The following EPHA6 variants were observed in gnomAD, a reference collection of about 807,000 sequenced individuals.
The protein encoded by EPHA6 is ephrin type-A receptor 6.
EPHA6 carries 50 observed loss-of-function variants against 112.0 expected under a neutral mutation model. That is an observed-to-expected ratio of 0.45 (90% CI 0.36 to 0.56). The LOEUF (loss-of-function observed/expected upper bound fraction) is 0.56, where lower values mean the gene tolerates loss of function less well. Ranked by LOEUF, EPHA6 falls within the 20% of genes least tolerant of loss-of-function variation. The pLI is 0.00. For synonymous variants in EPHA6, 529 were observed against 490.7 expected (o/e 1.08, Z -1.03); for missense variants, 1,280 against 1,417.4 (o/e 0.90, Z 1.56).
chr3:97,376,454 C>T (rs562453399), intron 5 of EPHA6, among the ~76,000 whole-genome samples: 2 of 152,100 alleles, frequency 1.3e-5, no homozygotes, highest in Non-Finnish European at 2.9e-5. Context: ...ACAAAAAAAA[C>T]AACATGCACA....
At chr3:97,304,864 G>T (rs1040474974) in intron 5 of EPHA6, among the ~76,000 whole-genome samples, 1 of 151,970 alleles carries the variant, frequency 6.6e-6, no homozygotes, top group African/African-American at 2.4e-5. Context: ...AAAAGCAATT[G>T]CAACAAAAGC....
chr3:97,733,689 T>C (rs1039400504), intron 15 of EPHA6, among the ~76,000 whole-genome samples: 2 of 152,070 alleles, frequency 1.3e-5, no homozygotes, highest in African/African-American at 2.4e-5. Context: ...GATGCAATCA[T>C]ACATACATGC....
At chr3:97,230,529 G>C (rs1215679887) in intron 4 of EPHA6, among the ~76,000 whole-genome samples, 1 of 152,080 alleles carries the variant, frequency 6.6e-6, no homozygotes, top group African/African-American at 2.4e-5. Flanking sequence ...TTCTGTCATG[G>C]CTGGGCAGAA....
intron 4 of EPHA6, among the ~76,000 whole-genome samples, chr3:97,235,838 G>A (rs1204551940): frequency 6.6e-6 from 1 of 151,914 alleles, no homozygotes; most frequent in Non-Finnish European, 1.5e-5. Flanking sequence ...AGTTATTCCA[G>A]TTATACCAGT....
intron 2 of EPHA6, among the ~76,000 whole-genome samples, chr3:96,888,175 A>AC (rs1294706393): frequency 6.6e-6 from 1 of 151,586 alleles, no homozygotes; most frequent in Non-Finnish European, 1.5e-5. Flanking sequence ...GTGGAATTTT[A>AC]CCCCCTGCTC....
intron 6 of EPHA6, among the ~76,000 whole-genome samples, chr3:97,406,404 G>A (rs1192761555): frequency 6.6e-6 from 1 of 152,106 alleles, no homozygotes; most frequent in Middle Eastern, 3.2e-3. Flanking sequence ...GCAAAAGGAA[G>A]TCAAACTCAT....
chr3:97,588,900 T>C (rs1203302175), intron 11 of EPHA6, among the ~76,000 whole-genome samples: 1 of 152,230 alleles, frequency 6.6e-6, no homozygotes, highest in Non-Finnish European at 1.5e-5. Flanking sequence ...ACTTTTATTT[T>C]AGATTAAGGA....
intron 2 of EPHA6, among the ~76,000 whole-genome samples, chr3:96,888,465 G>C (rs2037763848): frequency 6.6e-6 from 1 of 152,114 alleles, no homozygotes; most frequent in Non-Finnish European, 1.5e-5. Flanking sequence ...AGGGTCTGTG[G>C]GTCCTCTCGG....
chr3:97,090,980 T>C (rs1383931888), intron 3 of EPHA6, among the ~76,000 whole-genome samples: 1 of 152,108 alleles, frequency 6.6e-6, no homozygotes. Context: ...ATAATTACAG[T>C]AATAATATTG....
chr3:97,094,318 C>T (rs1221306753), intron 3 of EPHA6, among the ~76,000 whole-genome samples: 1 of 152,066 alleles, frequency 6.6e-6, no homozygotes, highest in East Asian at 1.9e-4. Context: ...ATAAATATTT[C>T]CAAACCATTA....
intron 3 of EPHA6, among the ~76,000 whole-genome samples, chr3:97,154,802 ACTGT>A (rs1433579942): frequency 8.5e-5 from 13 of 152,256 alleles, no homozygotes; most frequent in African/African-American, 2.9e-4. Context: ...TGCCCTCTAG[ACTGT>A]CTGTTCAAGA....
intron 5 of EPHA6, among the ~76,000 whole-genome samples, chr3:97,378,244 T>G (rs554254849): frequency 1.1e-4 from 16 of 152,316 alleles, no homozygotes; most frequent in Admixed American, 1.0e-3. Flanking sequence ...GCCCCAAGCC[T>G]TGGCACCTTC....
intron 5 of EPHA6, among the ~76,000 whole-genome samples, chr3:97,282,095 G>C (rs543880173): frequency 1.3e-5 from 2 of 152,094 alleles, no homozygotes; most frequent in African/African-American, 4.8e-5. Flanking sequence ...TGAACACATT[G>C]CCCTTTAAAA....
intron 2 of EPHA6, among the ~76,000 whole-genome samples, chr3:96,916,305 C>G (rs2039479923): frequency 6.6e-6 from 1 of 152,068 alleles, no homozygotes; most frequent in Admixed American, 6.6e-5. Flanking sequence ...CTATGTAAAA[C>G]AGAAAGGAGT....
chr3:97,674,352 A>G (rs141781101), intron 14 of EPHA6, among the ~76,000 whole-genome samples: 28 of 152,328 alleles, frequency 1.8e-4, no homozygotes, highest in African/African-American at 6.3e-4. Context: ...ACTTATTTTC[A>G]GCAATTCAGT....
intron 5 of EPHA6, among the ~76,000 whole-genome samples, chr3:97,362,340 G>A (rs2084416768): frequency 6.6e-6 from 1 of 151,836 alleles, no homozygotes; most frequent in Non-Finnish European, 1.5e-5. Context: ...ATGGTTCTGT[G>A]ATAAAAATCA....
intron 10 of EPHA6, among the ~76,000 whole-genome samples, chr3:97,489,109 A>G (rs1222803583): frequency 6.6e-6 from 1 of 152,236 alleles, no homozygotes; most frequent in East Asian, 1.9e-4. Flanking sequence ...GCTATCTTAC[A>G]GGATTAATAA....
At chr3:97,237,480 G>T (rs1432915981) in intron 4 of EPHA6, among the ~76,000 whole-genome samples, 1 of 151,886 alleles carries the variant, frequency 6.6e-6, no homozygotes, top group Non-Finnish European at 1.5e-5. Flanking sequence ...CCATTCTGCT[G>T]ATGTTGGAGA....
At chr3:97,687,476 C>G (rs1027158533) in intron 14 of EPHA6, among the ~76,000 whole-genome samples, 1 of 151,876 alleles carries the variant, frequency 6.6e-6, no homozygotes, top group Non-Finnish European at 1.5e-5. Flanking sequence ...TGTCAGAGAT[C>G]GTAACGCGAT....
Sources: gnomAD v4.1 joint callset for allele counts (sites outside exome capture counted in the v4.1 genomes callset) on GRCh38, gnomAD v4.1.1 for gene constraint, MANE v1.5 for transcripts, NCBI Gene and HGNC (gene_info 2026-07-23, HGNC 2026-07-21) for gene names.